CTNNA3: variants seen among roughly 807,000 people sequenced by gnomAD.
CTNNA3 encodes the protein catenin alpha-3.
CTNNA3 carries 76 observed loss-of-function variants against 95.7 expected under a neutral mutation model. That is an observed-to-expected ratio of 0.79 (90% confidence interval 0.66 to 0.96). CTNNA3 has a LOEUF of 0.96. Ranked by LOEUF, CTNNA3 falls within the 40% of genes least tolerant of loss-of-function variation. The pLI is 0.00. For missense variants in CTNNA3, 1,191 were observed against 1,089.8 expected (o/e 1.09, Z -1.31); for synonymous variants, 431 against 374.4 (o/e 1.15, Z -1.74).
intron 13 of CTNNA3, among the ~76,000 whole-genome samples, chr10:66,169,386 C>T (rs901274056): frequency 6.6e-6 from 1 of 152,084 alleles, no homozygotes; most frequent in Non-Finnish European, 1.5e-5. Flanking sequence ...AGTAGTATTC[C>T]ATTGTATATA....
chr10:66,497,426 T>C (rs1840134906), intron 11 of CTNNA3, among the ~76,000 whole-genome samples: 3 of 151,948 alleles, frequency 2.0e-5, no homozygotes, highest in Admixed American at 1.3e-4. Context: ...ATGGAGAAAG[T>C]AGTTTTCTAG....
At chr10:67,149,559 T>C (rs1015739190) in intron 7 of CTNNA3, among the ~76,000 whole-genome samples, 5 of 152,100 alleles carry the variant, frequency 3.3e-5, no homozygotes, top group Non-Finnish European at 5.9e-5. Flanking sequence ...CACTCCAGCC[T>C]GGGCAACAGA....
At chr10:66,530,118 G>A (rs931422431) in intron 10 of CTNNA3, among the ~76,000 whole-genome samples, 2 of 152,014 alleles carry the variant, frequency 1.3e-5, no homozygotes, top group African/African-American at 4.8e-5. Flanking sequence ...GTTCAATATT[G>A]GCATTGATAC....
At chr10:66,658,621 A>G (rs993946787) in intron 9 of CTNNA3, among the ~76,000 whole-genome samples, 1 of 152,188 alleles carries the variant, frequency 6.6e-6, no homozygotes, top group Non-Finnish European at 1.5e-5. Flanking sequence ...AGAAGTAAAA[A>G]GCGGAAAAAA....
intron 5 of CTNNA3, among the ~76,000 whole-genome samples, chr10:67,285,726 G>A (rs1232783951): frequency 6.6e-6 from 1 of 152,120 alleles, no homozygotes; most frequent in Non-Finnish European, 1.5e-5. Context: ...TTAATATTGT[G>A]TGGCCTAGGA....
intron 10 of CTNNA3, among the ~76,000 whole-genome samples, chr10:66,525,351 T>C (rs1207487303): frequency 6.6e-6 from 1 of 152,128 alleles, no homozygotes; most frequent in Non-Finnish European, 1.5e-5. Context: ...CCAAACACTT[T>C]CTACATATTC....
chr10:67,097,404 T>G (rs1051455532), intron 7 of CTNNA3, among the ~76,000 whole-genome samples: 1 of 151,878 alleles, frequency 6.6e-6, no homozygotes, highest in Non-Finnish European at 1.5e-5. Context: ...GATTTAAAAC[T>G]GTTGCACTGA....
At chr10:67,658,628 C>G (rs1039947779) in intron 1 of CTNNA3, among the ~76,000 whole-genome samples, 3 of 152,080 alleles carry the variant, frequency 2.0e-5, no homozygotes, top group Non-Finnish European at 4.4e-5. Context: ...AACAAACAAA[C>G]ACATTCCTAA....
Position 66,927,294 on chromosome 10 carries a change from C to T in CTNNA3, c.1048-151770G>A, listed in dbSNP as rs1209024831. 6.2e-7 allele frequency: 1 copy of T among 1,614,000 alleles called. No homozygotes were observed. On this transcript the variant is annotated intron_variant, in intron 7 of 17. Coordinates refer to ENST00000433211, the MANE Select transcript of CTNNA3 (RefSeq NM_013266.4). This position sits in a 1 kb window ranked among gnomAD's most constrained non-coding sequence, Gnocchi z 4.7. ...CCAATAGAATCTCCTATTTTCTTAA[C>T]AATACCTTCAGACCTGTGACAAATT...
intron 10 of CTNNA3, among the ~76,000 whole-genome samples, chr10:66,611,662 A>T (rs1339902775): frequency 2.6e-5 from 4 of 152,054 alleles, no homozygotes; most frequent in Non-Finnish European, 5.9e-5. Flanking sequence ...CCTAATTTCC[A>T]AATTGTCAGT....
At position 66,927,162 on chromosome 10, in the gene CTNNA3, A is replaced by C. The variant is rs1847128514; in HGVS notation, c.1048-151638T>G. On this transcript the variant is annotated intron_variant, in intron 7 of 17. Coordinates refer to ENST00000433211, the MANE Select transcript of CTNNA3 (RefSeq NM_013266.4). The surrounding 1 kb of genome is among the most constrained non-coding windows in gnomAD (Gnocchi z 4.7). ...AAAAACTTAAGTATAATCAATTTAA[A>C]GGGCTCAACCAGCTCACCTGGCTAT... The C allele has an allele frequency of 5.6e-6, 9 of 1,614,194 alleles. No individual in the cohort carries two copies. The highest frequency in any genetic ancestry group is 7.6e-6 in the Non-Finnish European group (9 of 1,180,028).
intron 7 of CTNNA3, among the ~76,000 whole-genome samples, chr10:66,865,213 CGTGTGT>C (rs3055786): frequency 5.6e-4 from 81 of 143,910 alleles, no homozygotes; most frequent in Admixed American, 2.9e-3. Flanking sequence ...TGTGTGTGTG[CGTGTGT>C]GTGTGTGTGT....
At chr10:65,935,716 A>G (rs2077326989) in intron 17 of CTNNA3, among the ~76,000 whole-genome samples, 1 of 152,000 alleles carries the variant, frequency 6.6e-6, no homozygotes, top group Non-Finnish European at 1.5e-5. Flanking sequence ...GTGTGTGTGT[A>G]ATTTTTCTTC....
In CTNNA3 at chr10:66,217,968, G is replaced by C. The variant is rs553547241; in HGVS notation, c.1884+62502C>G. Among the ~76,000 whole-genome samples the C allele has an allele frequency of 1.8e-4, 27 of 152,174 alleles. No homozygotes were observed. In the East Asian group the frequency reaches 5.0e-3, roughly 28 times the overall value. ...ATGCCCACCTGCGCACTAGGGGAAGGAGCTGGAGCCAGGAGAAGCTTAAAC... is the reference window on the plus strand; with the variant it reads ...ATGCCCACCTGCGCACTAGGGGAAGCAGCTGGAGCCAGGAGAAGCTTAAAC... On this transcript the variant is annotated intron_variant, in intron 13 of 17. Transcript: ENST00000433211.
At chr10:66,076,606 G>T (rs1440520279) in intron 14 of CTNNA3, among the ~76,000 whole-genome samples, 1 of 151,472 alleles carries the variant, frequency 6.6e-6, no homozygotes, top group Non-Finnish European at 1.5e-5. Context: ...ACACCCAGTG[G>T]GTTACTTTCA....
rs1331307256 is a variant in CTNNA3, at chr10:67,689,693, G to A, written c.-6+6307C>T. Among the ~76,000 whole-genome samples, 3 of 152,014 alleles carry A rather than the reference G, an allele frequency of 2.0e-5. No homozygotes were observed. In the East Asian group the frequency reaches 5.8e-4, roughly 29 times the overall value. On this transcript the variant is annotated intron_variant, in intron 1 of 17. Coordinates refer to ENST00000433211, the MANE Select transcript of CTNNA3 (RefSeq NM_013266.4). ...TGGCTTTCCTCTCTGTCAACCCTCG[G>A]CTCAGCCTGGAAGTACCATTAAAGT...
chr10:66,102,977 A>G (rs551084909), intron 14 of CTNNA3, among the ~76,000 whole-genome samples, 180 bp downstream of exon 14: 76 of 152,300 alleles, frequency 5.0e-4, no homozygotes, highest in Admixed American at 2.9e-3. Context: ...CTCTCAAGAT[A>G]GAGGAAAATA....
chr10:66,478,000 T>C (rs1401346180), intron 11 of CTNNA3, among the ~76,000 whole-genome samples: 1 of 152,120 alleles, frequency 6.6e-6, no homozygotes, highest in Non-Finnish European at 1.5e-5. Flanking sequence ...AGTGTTTGAA[T>C]AGATAAAGCA....
At chr10:66,379,827 C>A (rs2092823284) in intron 11 of CTNNA3, among the ~76,000 whole-genome samples, 1 of 152,084 alleles carries the variant, frequency 6.6e-6, no homozygotes, top group African/African-American at 2.4e-5. Context: ...GTCTCCTGAC[C>A]TCATCCTCTC....
Sources: gnomAD v4.1 joint callset for allele counts (sites outside exome capture counted in the v4.1 genomes callset) on GRCh38, gnomAD v4.1.1 for gene constraint, Gnocchi (gnomAD v3.1) non-coding constraint, MANE v1.5 for transcripts, NCBI Gene and HGNC (gene_info 2026-07-23, HGNC 2026-07-21) for gene names.